DENND1B: variants seen among roughly 807,000 people sequenced by gnomAD.
The protein encoded by DENND1B is DENN domain-containing protein 1B.
DENND1B carries 59 observed loss-of-function variants against 90.1 expected under a neutral mutation model. That is an observed-to-expected ratio of 0.65 (90% CI 0.53 to 0.81). The LOEUF is 0.81. Among genes scored for constraint, DENND1B ranks in the 40% least tolerant of loss-of-function variants. DENND1B has a pLI of 0.00. For missense variants in DENND1B, 862 were observed against 912.6 expected (o/e 0.94, Z 0.71); for synonymous variants, 337 against 324.6 (o/e 1.04, Z -0.41).
intron 20 of DENND1B, among the ~76,000 whole-genome samples, chr1:197,536,664 C>T (rs909898685): frequency 6.6e-6 from 1 of 151,894 alleles, no homozygotes; most frequent in African/African-American, 2.4e-5. Flanking sequence ...ATTTCAATTA[C>T]AGAAAAAAAT....
intron 2 of DENND1B, among the ~76,000 whole-genome samples, chr1:197,731,872 A>G (rs1662184535): frequency 6.6e-6 from 1 of 152,196 alleles, no homozygotes; most frequent in South Asian, 2.1e-4. Flanking sequence ...CTTTTCTCCA[A>G]TGTAAAGTAG....
At chr1:197,706,853 T>TA (rs1411193277) in intron 3 of DENND1B, among the ~76,000 whole-genome samples, 4 of 152,002 alleles carry the variant, frequency 2.6e-5, no homozygotes, top group Admixed American at 1.3e-4. Context: ...AGCAATTATA[T>TA]AAAAAATAGT....
At chr1:197,694,224 T>A (rs115075685) in intron 3 of DENND1B, among the ~76,000 whole-genome samples, 1 of 151,278 alleles carries the variant, frequency 6.6e-6, no homozygotes, top group Non-Finnish European at 1.5e-5. Context: ...AAAAAAAAAT[T>A]AGAAAAATTC....
At chr1:197,772,988 C>T (rs1195263005) in intron 1 of DENND1B, 56 bp from the exon 2 acceptor site, 1 of 1,357,958 alleles carries the variant, frequency 7.4e-7, no homozygotes, top group Non-Finnish European at 1.0e-6. Flanking sequence ...CTCCATGAAA[C>T]TTGTATTTTC....
At position 197,558,708 on chromosome 1, in the gene DENND1B, T is replaced by C. The variant is rs1045896113; in HGVS notation, c.1150-5596A>G. Among the ~76,000 whole-genome samples the C allele has an allele frequency of 9.9e-5, 15 of 151,888 alleles. 1 individual carries two copies. The Admixed American group carries it at 9.9e-4, about 10-fold the overall frequency. ...GTGACAGGTTACAAGATAAATATTT[T>C]CAAGCAGCAAAACTGCTTCTGGCTC... On this transcript the variant is annotated intron_variant, in intron 15 of 22. Coordinates refer to ENST00000620048, the MANE Select transcript of DENND1B (RefSeq NM_001195215.2).
chr1:197,760,333 G>A (rs984630487), intron 2 of DENND1B, among the ~76,000 whole-genome samples: 3 of 151,974 alleles, frequency 2.0e-5, no homozygotes, highest in Non-Finnish European at 4.4e-5. Context: ...TGTTAATCTG[G>A]ACAATTACTG....
chr1:197,719,919 G>GA (rs1219124296), intron 2 of DENND1B, among the ~76,000 whole-genome samples: 3 of 152,178 alleles, frequency 2.0e-5, no homozygotes, highest in Non-Finnish European at 4.4e-5. Context: ...TCAGAAATAA[G>GA]ATGACATAAA....
In DENND1B at chr1:197,557,894, T is replaced by C. The variant is rs372839097; in HGVS notation, c.1150-4782A>G. On this transcript the variant is annotated intron_variant, in intron 15 of 22. Transcript: ENST00000620048. ...TTTAGTTACTGATGCAGAGAAATAATTTTGAACTAATAAAAAATCATCTCT... is the reference window on the plus strand; with the variant it reads ...TTTAGTTACTGATGCAGAGAAATAACTTTGAACTAATAAAAAATCATCTCT... 9.7e-4 allele frequency among the ~76,000 whole-genome samples: 148 copies of C among 151,918 alleles called. 4 individuals carry two copies. In the South Asian group the frequency reaches 0.03, roughly 31 times the overall value.
rs376231862 is a variant in DENND1B at position 197,510,422 on chromosome 1, A to C, written c.*38T>G. On this transcript the variant is annotated 3_prime_UTR_variant, in exon 23 of 23. Transcript: ENST00000620048. ...TCTGTTTATTATACAGATTGCATTG[A>C]ATCTCAAAATGTCTCCATAGAAGCT... 1.2e-5 allele frequency: 18 copies of C among 1,544,848 alleles called. No homozygotes were observed. The highest frequency in any genetic ancestry group is 2.0e-5 in the Admixed American group (1 of 49,304).
At chr1:197,639,843 T>C (rs1369988493) in intron 10 of DENND1B, among the ~76,000 whole-genome samples, 1 of 152,134 alleles carries the variant, frequency 6.6e-6, no homozygotes, top group African/African-American at 2.4e-5. Flanking sequence ...ATATACTGTA[T>C]ATATAAAAGA....
rs534893354 is a variant in DENND1B at position 197,716,885 on chromosome 1, C to A, written c.83-1811G>T. 3.3e-5 allele frequency among the ~76,000 whole-genome samples: 5 copies of A among 152,010 alleles called. No individual in the cohort carries two copies. The South Asian group carries it at 1.0e-3, about 32-fold the overall frequency. ...GTTATTGAATAGCTTACAGTTTGCC[C>A]TTGCTGTTTGTAGCATTTACCTAAA... On this transcript the variant is annotated intron_variant, in intron 2 of 22. Coordinates refer to ENST00000620048, the MANE Select transcript of DENND1B (RefSeq NM_001195215.2).
chr1:197,764,050 G>C (rs928282408), intron 2 of DENND1B, among the ~76,000 whole-genome samples: 1 of 152,232 alleles, frequency 6.6e-6, no homozygotes, highest in Admixed American at 6.5e-5. Flanking sequence ...CCTAGAATCA[G>C]TCAGGGGTTT....
At chr1:197,635,864 A>G (rs973140510) in intron 10 of DENND1B, among the ~76,000 whole-genome samples, 1 of 152,108 alleles carries the variant, frequency 6.6e-6, no homozygotes, top group Non-Finnish European at 1.5e-5. Flanking sequence ...GAAGAGCAAA[A>G]AGTGCAATTT....
chr1:197,518,028 T>C (rs1438668489), intron 20 of DENND1B, among the ~76,000 whole-genome samples: 2 of 151,838 alleles, frequency 1.3e-5, no homozygotes, highest in African/African-American at 4.8e-5. Context: ...TTATATGCCA[T>C]TACATTCTCT....
At chr1:197,756,898 G>T (rs891149367) in intron 2 of DENND1B, among the ~76,000 whole-genome samples, 1 of 150,878 alleles carries the variant, frequency 6.6e-6, no homozygotes, top group African/African-American at 2.4e-5. Flanking sequence ...TATTGCCAGT[G>T]TTAAATTTTG....
intron 20 of DENND1B, among the ~76,000 whole-genome samples, chr1:197,524,382 A>C (rs951811542): frequency 1.3e-5 from 2 of 152,134 alleles, no homozygotes; most frequent in African/African-American, 4.8e-5. Context: ...ATAATTATCA[A>C]TATTTTATAG....
At chr1:197,603,571 C>T (rs1331872192) in intron 13 of DENND1B, among the ~76,000 whole-genome samples, 2 of 151,094 alleles carry the variant, frequency 1.3e-5, no homozygotes, top group Admixed American at 6.6e-5. Flanking sequence ...TATTCTAATA[C>T]ATGTAACCTT....
At chr1:197,756,405 T>A (rs1221125405) in intron 2 of DENND1B, among the ~76,000 whole-genome samples, 1 of 151,754 alleles carries the variant, frequency 6.6e-6, no homozygotes, top group Non-Finnish European at 1.5e-5. Flanking sequence ...CGAAACCACA[T>A]CTCTACTAAA....
intron 3 of DENND1B, among the ~76,000 whole-genome samples, chr1:197,683,545 G>A (rs920102727): frequency 1.3e-5 from 2 of 152,090 alleles, no homozygotes; most frequent in Admixed American, 6.5e-5. Context: ...ACATACAAGA[G>A]GTAGCTGGAT....
Sources: gnomAD v4.1 joint callset for allele counts (sites outside exome capture counted in the v4.1 genomes callset) on GRCh38, gnomAD v4.1.1 for gene constraint, MANE v1.5 for transcripts, NCBI Gene and HGNC (gene_info 2026-07-23, HGNC 2026-07-21) for gene names.